Variants in SCAPER observed in about 807,000 individuals in gnomAD.
SCAPER encodes S phase cyclin A-associated protein in the endoplasmic reticulum.
SCAPER carries 98 observed loss-of-function variants against 182.2 expected under a neutral mutation model. The observed-to-expected ratio is 0.54, with a 90% CI of 0.46 to 0.64. The LOEUF is 0.64. SCAPER is among the 30% of genes least tolerant of loss of function. The pLI, the probability that SCAPER is intolerant of heterozygous loss-of-function variation, is 0.00. For missense variants in SCAPER, 1,432 were observed against 1,690.0 expected, an observed-to-expected ratio of 0.85 and a Z score of 2.68; for synonymous variants, 605 against 564.6, an observed-to-expected ratio of 1.07 and a Z score of -1.01.
At chr15:76,406,537 C>T (rs2044847739) in intron 26 of SCAPER, among the ~76,000 whole-genome samples, 1 of 151,786 alleles carries the variant, frequency 6.6e-6, no homozygotes, top group African/African-American at 2.4e-5. Flanking sequence ...AATCCCCACA[C>T]TTTGGGAGGC....
At chr15:76,568,166 G>A (rs1011861975) in intron 23 of SCAPER, among the ~76,000 whole-genome samples, 3 of 145,446 alleles carry the variant, frequency 2.1e-5, no homozygotes, top group Non-Finnish European at 3.0e-5. Flanking sequence ...GCATAGACAA[G>A]TACCTCACAT....
chr15:76,522,234 A>G (rs944727863), intron 23 of SCAPER, among the ~76,000 whole-genome samples: 1 of 152,146 alleles, frequency 6.6e-6, no homozygotes, highest in Non-Finnish European at 1.5e-5. Flanking sequence ...TATGGAGAAT[A>G]ATAATTTAGG....
chr15:76,459,628 T>C (rs1214090694), intron 25 of SCAPER, among the ~76,000 whole-genome samples: 1 of 151,996 alleles, frequency 6.6e-6, no homozygotes, highest in African/African-American at 2.4e-5. Flanking sequence ...TTTCAATAGT[T>C]TGTCTCTTCA....
chr15:76,793,458 G>T, intron 8 of SCAPER: 1 of 532,530 alleles, frequency 1.9e-6, no homozygotes, highest in Non-Finnish European at 3.4e-6. Flanking sequence ...CTTCAGGGAG[G>T]GAGAAAGGAA....
chr15:76,653,923 C>G (rs1226330843), intron 21 of SCAPER, among the ~76,000 whole-genome samples: 1 of 152,092 alleles, frequency 6.6e-6, no homozygotes, highest in Non-Finnish European at 1.5e-5. Context: ...AAAGAGACAA[C>G]AAACAGAATG....
intron 24 of SCAPER, among the ~76,000 whole-genome samples, chr15:76,478,352 T>A (rs1045536654): frequency 1.8e-4 from 28 of 152,080 alleles, no homozygotes; most frequent in African/African-American, 6.3e-4. Context: ...GCTTAACTTT[T>A]ATCTTCCATT....
chr15:76,724,715 C>T (rs2060479191), intron 17 of SCAPER, among the ~76,000 whole-genome samples: 1 of 152,138 alleles, frequency 6.6e-6, no homozygotes, highest in African/African-American at 2.4e-5. Context: ...CCGTTGATCA[C>T]ATTAGTTACT....
chr15:76,621,074 C>T (rs1048861530), intron 22 of SCAPER, among the ~76,000 whole-genome samples: 2 of 152,112 alleles, frequency 1.3e-5, no homozygotes, highest in African/African-American at 2.4e-5. Flanking sequence ...TGCGCTATTC[C>T]ACTGAGCAGG....
At chr15:76,376,489 A>G (rs1050183759) in intron 28 of SCAPER, among the ~76,000 whole-genome samples, 178 bp from the exon 29 acceptor site, 1 of 152,194 alleles carries the variant, frequency 6.6e-6, no homozygotes, top group African/African-American at 2.4e-5. Flanking sequence ...ATGTCCCATA[A>G]TAAATGCAAT....
At chr15:76,481,702 G>C (rs1244711847) in intron 24 of SCAPER, among the ~76,000 whole-genome samples, 1 of 152,144 alleles carries the variant, frequency 6.6e-6, no homozygotes, top group East Asian at 1.9e-4. Flanking sequence ...CTGCAAAGTA[G>C]CTGCAATTCT....
At chr15:76,376,433 C>T (rs1423926240) in intron 28 of SCAPER, 122 bp from the exon 29 acceptor site, 1 of 1,039,408 alleles carries the variant, frequency 9.6e-7, no homozygotes, top group Non-Finnish European at 1.4e-6. Context: ...GACATTTCTA[C>T]AGTACTATGC....
chr15:76,394,422 T>C (rs1054355110), intron 27 of SCAPER, among the ~76,000 whole-genome samples: 1 of 152,320 alleles, frequency 6.6e-6, no homozygotes, highest in African/African-American at 2.4e-5. Context: ...GGCAGTAGAT[T>C]AGATCTGGGG....
chr15:76,899,424 G>A lies in SCAPER; in HGVS notation c.-60+5875C>T, dbSNP rs909218849. ...GATGAACTGCCCGCCTCGGCCTCCC[G>A]AGGTGCTGGGATTGCAGACGGAGTC... On this transcript the variant is annotated intron_variant, in intron 1 of 31. Transcript: ENST00000563290. Among the ~76,000 whole-genome samples, 59 of 152,288 alleles carry A rather than the reference G, an allele frequency of 3.9e-4. 1 individual carries two copies. The highest frequency in any genetic ancestry group is 1.2e-3 in the African/African-American group (50 of 41,564).
At chr15:76,478,463 G>T (rs1227820896) in intron 24 of SCAPER, among the ~76,000 whole-genome samples, 2 of 151,576 alleles carry the variant, frequency 1.3e-5, no homozygotes, top group African/African-American at 2.4e-5. Flanking sequence ...TTTTCTTTTT[G>T]TGCTTTAAAA....
At chr15:76,607,022 A>G (rs944595054) in intron 22 of SCAPER, among the ~76,000 whole-genome samples, 5 of 152,100 alleles carry the variant, frequency 3.3e-5, no homozygotes, top group African/African-American at 1.2e-4. Flanking sequence ...TTACATCTAA[A>G]GTTAATATTG....
At chr15:76,426,277 G>A (rs1019791267) in intron 26 of SCAPER, among the ~76,000 whole-genome samples, 1 of 152,298 alleles carries the variant, frequency 6.6e-6, no homozygotes, top group East Asian at 1.9e-4. Flanking sequence ...CGAGCTTCCT[G>A]GCCGCTTTAC....
At chr15:76,794,102 C>T (rs779926775) in intron 8 of SCAPER, among the ~76,000 whole-genome samples, 28 of 152,156 alleles carry the variant, frequency 1.8e-4, no homozygotes, top group Non-Finnish European at 4.1e-4. Context: ...TGGCATAACT[C>T]GCTGTGTATA....
intron 5 of SCAPER, among the ~76,000 whole-genome samples, chr15:76,819,896 GA>G (rs1281934895): frequency 6.6e-6 from 1 of 151,940 alleles, no homozygotes; most frequent in Non-Finnish European, 1.5e-5. Context: ...AAATTTACAA[GA>G]AAAAAACAAC....
intron 24 of SCAPER, among the ~76,000 whole-genome samples, chr15:76,501,040 C>CT (rs1211539892): frequency 7.4e-6 from 1 of 134,612 alleles, no homozygotes; most frequent in African/African-American, 3.1e-5. Context: ...AAAACCCTGT[C>CT]TAAAAAAAAA....
Sources: gnomAD v4.1 joint callset for allele counts (sites outside exome capture counted in the v4.1 genomes callset) on GRCh38, gnomAD v4.1.1 for gene constraint, MANE v1.5 for transcripts, NCBI Gene and HGNC (gene_info 2026-07-23, HGNC 2026-07-21) for gene names.